TLE1: variants seen among roughly 807,000 people sequenced by gnomAD.
TLE1 encodes TLE family member 1, transcriptional corepressor, also known as transducin-like enhancer protein 1.
In TLE1, 21 loss-of-function variants were observed where a neutral mutation model predicts 89.8. The observed-to-expected ratio is 0.23, with a 90% CI of 0.17 to 0.34. The LOEUF (loss-of-function observed/expected upper bound fraction) is 0.34. Among genes scored for constraint, TLE1 ranks in the 10% least tolerant of loss-of-function variants. The pLI is 1.00. For missense variants in TLE1, 795 were observed against 1,031.2 expected (o/e 0.77, Z 3.14); for synonymous variants, 447 against 407.6 (o/e 1.10, Z -1.16).
At chr9:81,616,546 C>G in intron 10 of TLE1, 100 bp downstream of exon 10, 1 of 1,272,410 alleles carries the variant, frequency 7.9e-7, no homozygotes, top group South Asian at 1.3e-5. Flanking sequence ...CAAGAGGTCC[C>G]CCCACCGAGG....
chr9:81,634,400 A>G, intron 6 of TLE1, 99 bp from the exon 7 acceptor site: 1 of 997,158 alleles, frequency 1.0e-6, no homozygotes, highest in Non-Finnish European at 1.4e-6. Flanking sequence ...AACAGACATG[A>G]CAGGAGGGGA....
chr9:81,636,170 G>A (rs1228487955), intron 6 of TLE1, among the ~76,000 whole-genome samples: 2 of 152,052 alleles, frequency 1.3e-5, no homozygotes, highest in Non-Finnish European at 2.9e-5. Context: ...CACCATTTGA[G>A]ATCATAATAA....
intron 14 of TLE1, among the ~76,000 whole-genome samples, chr9:81,597,877 C>G (rs1338296952): frequency 6.6e-6 from 1 of 152,140 alleles, no homozygotes; most frequent in Non-Finnish European, 1.5e-5. Flanking sequence ...AGACTGTGTT[C>G]CAAGGGGGCA....
chr9:81,671,040 C>T (rs1163698717), intron 4 of TLE1, among the ~76,000 whole-genome samples: 1 of 151,836 alleles, frequency 6.6e-6, no homozygotes, highest in Non-Finnish European at 1.5e-5. Context: ...TGGTGGTGAG[C>T]ACCTGTAATC....
chr9:81,686,988 G>A (rs1242484746), intron 2 of TLE1, among the ~76,000 whole-genome samples: 1 of 152,122 alleles, frequency 6.6e-6, no homozygotes. Flanking sequence ...CCACACTCCA[G>A]GACTGAGACA....
At chr9:81,665,108 A>G (rs1302999775) in intron 4 of TLE1, among the ~76,000 whole-genome samples, 1 of 152,224 alleles carries the variant, frequency 6.6e-6, no homozygotes, top group African/African-American at 2.4e-5. Context: ...GTCTCTCTCC[A>G]GAGCCCTGCA....
chr9:81,605,275 A>G (rs560289694), intron 14 of TLE1, among the ~76,000 whole-genome samples: 3 of 152,298 alleles, frequency 2.0e-5, no homozygotes, highest in African/African-American at 7.2e-5. Flanking sequence ...AACACTGGCT[A>G]CTGTTTGCAG....
At chr9:81,666,917 A>G (rs1296627971) in intron 4 of TLE1, among the ~76,000 whole-genome samples, 2 of 152,216 alleles carry the variant, frequency 1.3e-5, no homozygotes, top group Non-Finnish European at 2.9e-5. Flanking sequence ...CAGGAGTTCA[A>G]GACCAGCCTG....
intron 13 of TLE1, among the ~76,000 whole-genome samples, chr9:81,611,209 G>A (rs964345886): frequency 2.6e-5 from 4 of 152,152 alleles, no homozygotes; most frequent in African/African-American, 9.7e-5. Context: ...AAGAGGCAGG[G>A]CAAACAGACG....
chr9:81,596,132 C>T (rs899668121), intron 14 of TLE1, among the ~76,000 whole-genome samples: 2 of 152,130 alleles, frequency 1.3e-5, no homozygotes, highest in African/African-American at 2.4e-5. Context: ...GAGTAACAGA[C>T]GGGAGATCTG....
At chr9:81,687,309 T>C in intron 2 of TLE1, 25 bp downstream of exon 2, 1 of 1,583,462 alleles carries the variant, frequency 6.3e-7, no homozygotes, top group Non-Finnish European at 8.6e-7. Flanking sequence ...CCGCGACCAC[T>C]CGCATGGCGC....
At chr9:81,678,843 G>C (rs915680788) in intron 4 of TLE1, among the ~76,000 whole-genome samples, 5 of 145,268 alleles carry the variant, frequency 3.4e-5, no homozygotes, top group South Asian at 2.2e-4. Context: ...CCATCTCAAA[G>C]AAAAAAAAAA....
chr9:81,660,863 G>A (rs978921160), intron 4 of TLE1, among the ~76,000 whole-genome samples: 47 of 150,478 alleles, frequency 3.1e-4, no homozygotes, highest in African/African-American at 1.0e-3. Flanking sequence ...TTGGGAGGCC[G>A]AGGCGGGAGG....
intron 6 of TLE1, among the ~76,000 whole-genome samples, chr9:81,637,047 A>G (rs1033172653): frequency 6.6e-6 from 1 of 151,786 alleles, no homozygotes; most frequent in South Asian, 2.1e-4. Context: ...TTCCCCTCCC[A>G]TAAATCCAAG....
At chr9:81,589,606 T>C (rs1829182715) in intron 16 of TLE1, among the ~76,000 whole-genome samples, 1 of 152,172 alleles carries the variant, frequency 6.6e-6, no homozygotes, top group South Asian at 2.1e-4. Context: ...TCTGACTGTG[T>C]GACCTGAAGC....
At chr9:81,589,250 T>C (rs1387754839) in intron 16 of TLE1, among the ~76,000 whole-genome samples, 1 of 152,176 alleles carries the variant, frequency 6.6e-6, no homozygotes, top group Non-Finnish European at 1.5e-5. Flanking sequence ...TGTTCCTCCT[T>C]GACTGAAAAC....
intron 4 of TLE1, among the ~76,000 whole-genome samples, chr9:81,684,244 T>TTA (rs1169644100): frequency 6.8e-6 from 1 of 147,872 alleles, no homozygotes; most frequent in African/African-American, 2.4e-5. Context: ...TCTAGCCCAT[T>TTA]TACTATCAAG....
At chr9:81,666,985 T>TGGTGTGGC (rs973835333) in intron 4 of TLE1, among the ~76,000 whole-genome samples, 1 of 151,314 alleles carries the variant, frequency 6.6e-6, no homozygotes, top group Non-Finnish European at 1.5e-5. Flanking sequence ...CCGGGTGTGG[T>TGGTGTGGC]GGTGTGGCCT....
At chr9:81,619,955 T>C (rs1390143933) in intron 9 of TLE1, among the ~76,000 whole-genome samples, 3 of 152,226 alleles carry the variant, frequency 2.0e-5, no homozygotes, top group Non-Finnish European at 4.4e-5. Flanking sequence ...AGAAGTACCA[T>C]GAGCCTATAT....
Sources: gnomAD v4.1 joint callset for allele counts (sites outside exome capture counted in the v4.1 genomes callset) on GRCh38, gnomAD v4.1.1 for gene constraint, MANE v1.5 for transcripts, NCBI Gene and HGNC (gene_info 2026-07-23, HGNC 2026-07-21) for gene names.